Variants in POLA1 observed in about 807,000 individuals in gnomAD.
POLA1 encodes DNA polymerase alpha 1, catalytic subunit.
In POLA1, 15 loss-of-function variants were observed where a neutral mutation model predicts 124.0. The ratio of observed to expected loss-of-function variants is 0.12; its 90% CI spans 0.08 to 0.19. The LOEUF (loss-of-function observed/expected upper bound fraction) is 0.19, where lower values mean the gene tolerates loss of function less well. Ranked by LOEUF, POLA1 falls within the 10% of genes least tolerant of loss-of-function variation. The pLI is 1.00. For synonymous variants in POLA1, 408 were observed against 389.4 expected, an observed-to-expected ratio of 1.05 and a Z score of -0.56; for missense variants, 886 against 1,103.4, an observed-to-expected ratio of 0.80 and a Z score of 2.79.
intron 34 of POLA1, among the ~76,000 whole-genome samples, chrX:24,865,280 T>C: frequency 8.9e-6 from 1 of 112,276 alleles, no homozygotes; most frequent in Non-Finnish European, 1.9e-5. Context: ...TATCAGCTAG[T>C]GGTAATATGA....
chrX:24,718,960 C>T (rs1439988486), intron 10 of POLA1, among the ~76,000 whole-genome samples: 2 of 112,092 alleles, frequency 1.8e-5, no homozygotes, highest in Non-Finnish European at 3.8e-5. Flanking sequence ...ATTCTTGACT[C>T]ACAAAAAGCC....
chrX:24,926,274 A>G (rs1163766549), intron 35 of POLA1, among the ~76,000 whole-genome samples: 1 of 111,165 alleles, frequency 9.0e-6, no homozygotes, highest in Non-Finnish European at 1.9e-5. Flanking sequence ...CTGCATGCAC[A>G]TAAAGTTTAA....
At chrX:24,880,231 T>C (rs2046985177) in intron 34 of POLA1, among the ~76,000 whole-genome samples, 1 of 111,956 alleles carries the variant, frequency 8.9e-6, no homozygotes, top group Admixed American at 9.5e-5. Context: ...AGTCTGGTCC[T>C]TGTACAAATG....
Position 24,824,460 on chromosome X carries a change from C to CT in POLA1, c.3562-1947dup, listed in dbSNP as rs781633550. 7.1e-3 allele frequency among the ~76,000 whole-genome samples: 476 copies of CT among 67,013 alleles called. 4 individuals carry two copies. Among genetic ancestry groups the CT allele is most frequent in the South Asian group, 0.018 (24 of 1,358 alleles). 58.2% of individuals were successfully genotyped at this position (67,013 alleles called of 115,157 possible). On this transcript the variant is annotated intron_variant, in intron 31 of 36. Transcript: ENST00000379068. ...GATGCATGCCTCCATGCCTGGCTAA[C>CT]TTTTTTTTTTTTTTTTTTTTGGTCA...
rs766494753 is a variant in POLA1 at position 24,988,370 on chromosome X, A to G, written c.4262-7435A>G. ...CATTAAAGTGAAGGAAAATAAGCAG[A>G]GGCTTGACATTCAGAAATAAGAGCC... On this transcript the variant is annotated intron_variant, in intron 36 of 36. Transcript: ENST00000379068. Among the ~76,000 whole-genome samples, 8 of 112,902 alleles carry G rather than the reference A, an allele frequency of 7.1e-5. No individual in the cohort carries two copies. The East Asian group carries it at 2.2e-3, about 31-fold the overall frequency.
chrX:24,951,261 GGTGA>G (rs1485878438), intron 36 of POLA1, among the ~76,000 whole-genome samples: 93 of 87,043 alleles, frequency 1.1e-3, no homozygotes, highest in Non-Finnish European at 1.5e-3. Context: ...CAGAAATCCT[GGTGA>G]TTAGGAGTAG....
At chrX:24,724,557 C>A in intron 12 of POLA1, 106 bp downstream of exon 12, 1 of 438,978 alleles carries the variant, frequency 2.3e-6, no homozygotes, top group South Asian at 4.7e-5. Context: ...TTCTGTGCAG[C>A]TATAATTTAT....
intron 10 of POLA1, 46 bp downstream of exon 10, chrX:24,717,804 C>A: frequency 1.2e-6 from 1 of 809,848 alleles, no homozygotes; most frequent in Non-Finnish European, 1.7e-6. Flanking sequence ...CAGAGTAGGA[C>A]TTTTCCCTTA....
At chrX:24,851,959 C>G (rs2046567723) in intron 34 of POLA1, among the ~76,000 whole-genome samples, 1 of 112,452 alleles carries the variant, frequency 8.9e-6, no homozygotes, top group South Asian at 3.7e-4. Context: ...CTGCTGCATG[C>G]GTCAACAAGA....
At chrX:24,779,839 C>T (rs900112455) in intron 26 of POLA1, among the ~76,000 whole-genome samples, 20 of 112,010 alleles carry the variant, frequency 1.8e-4, no homozygotes, top group African/African-American at 6.5e-4. Context: ...TGAGTAGAGC[C>T]AGGATGCAAA....
chrX:24,695,671 T>A (rs1048097956), intron 1 of POLA1, among the ~76,000 whole-genome samples: 2 of 110,065 alleles, frequency 1.8e-5, no homozygotes, highest in Non-Finnish European at 3.8e-5. Flanking sequence ...AGAGACAGGG[T>A]TTCACCATGT....
intron 36 of POLA1, among the ~76,000 whole-genome samples, chrX:24,993,814 C>A (rs11573530): frequency 7.9e-4 from 88 of 111,858 alleles, no homozygotes; most frequent in Non-Finnish European, 1.4e-3. Context: ...TGGAATGGTG[C>A]CTTGGCCGTA....
At chrX:24,850,089 A>G (rs769951115) in intron 34 of POLA1, among the ~76,000 whole-genome samples, 1 of 112,187 alleles carries the variant, frequency 8.9e-6, no homozygotes, top group Non-Finnish European at 1.9e-5. Flanking sequence ...GTGGTATTCT[A>G]ACACCAGTGT....
rs749750264 is a variant in POLA1 at position 24,737,739 on chromosome X, G to T, written c.2038G>T (p.Gly680Trp). The change falls in exon 19 of 37, where the codon GGG becomes TGG. Residue 680 changes from glycine to tryptophan, a missense_variant and splice_region_variant. By Grantham distance (184) the Gly-to-Trp change is radical (BLOSUM62 -2). Transcript: ENST00000379068. ...RLKRSNMPKL[G>W]GRSGFGERNA... ...GAAGCGATCCAACATGCCAAAGCTT[G>T]GGGTAATAATAATTTTCAAAATCTT... 4 of 1,009,612 alleles carry T rather than the reference G, an allele frequency of 4.0e-6. No homozygotes were observed. Among genetic ancestry groups the T allele is most frequent in the Non-Finnish European group, 5.5e-6 (4 of 725,812 alleles). The allele number at this position is 1,009,612 out of a possible 1,213,427, so 83.2% of individuals were successfully genotyped here.
At chrX:24,920,898 C>G (rs1161445905) in intron 35 of POLA1, among the ~76,000 whole-genome samples, 1 of 112,309 alleles carries the variant, frequency 8.9e-6, no homozygotes, top group Non-Finnish European at 1.9e-5. Context: ...TTATCTTGCT[C>G]AATCCTAGAC....
chrX:24,904,746 C>T (rs1473153738), intron 35 of POLA1, among the ~76,000 whole-genome samples: 3 of 111,530 alleles, frequency 2.7e-5, no homozygotes, highest in Non-Finnish European at 5.7e-5. Context: ...GTTTATGAGT[C>T]GGGTGCAGTG....
At chrX:24,837,616 A>C (rs1310869347) in intron 32 of POLA1, among the ~76,000 whole-genome samples, 1 of 111,982 alleles carries the variant, frequency 8.9e-6, no homozygotes, top group African/African-American at 3.2e-5. Context: ...AATCATACTA[A>C]ATTTTCAGTT....
At chrX:24,788,686 T>C (rs761874082) in intron 26 of POLA1, 73 of 1,202,089 alleles carry the variant, frequency 6.1e-5, no homozygotes, top group Non-Finnish European at 8.1e-5. Context: ...TGGCTTTCTT[T>C]GATTCATATT....
At position 24,809,941 on chromosome X, in the gene POLA1, G is replaced by A. The variant is rs1192988256; in HGVS notation, c.2997+11G>A. The A allele has an allele frequency of 2.8e-6, 3 of 1,059,411 alleles. No homozygotes were observed. The highest frequency in any genetic ancestry group is 3.9e-6 in the Non-Finnish European group (3 of 771,503). The allele number at this position is 1,059,411 out of a possible 1,213,427, so 87.3% of individuals were successfully genotyped here. A position where few individuals can be genotyped will look rare whatever the true frequency, so the allele number is the denominator to read the frequency against. On this transcript the variant is annotated intron_variant, in intron 27 of 36. Transcript: ENST00000379068. ...GAGATGGTACAAAAGGTAATGTTGA[G>A]CATTTTCATTGTGTAAAACTTAAAT...
Sources: gnomAD v4.1 joint callset for allele counts (sites outside exome capture counted in the v4.1 genomes callset) on GRCh38, gnomAD v4.1.1 for gene constraint, MANE v1.5 for transcripts, NCBI Gene and HGNC (gene_info 2026-07-23, HGNC 2026-07-21) for gene names.